Variants in TLK1 observed in about 807,000 individuals in gnomAD.
TLK1 encodes the protein serine/threonine-protein kinase tousled-like 1.
A neutral mutation model predicts 105.3 loss-of-function variants in TLK1; 24 were observed. The ratio of observed to expected loss-of-function variants is 0.23; its 90% CI spans 0.17 to 0.32. The LOEUF is 0.32. Among genes scored for constraint, TLK1 ranks in the 10% least tolerant of loss-of-function variants. The pLI, the probability that TLK1 is intolerant of heterozygous loss-of-function variation, is 1.00. For missense variants in TLK1, 558 were observed against 910.5 expected, an observed-to-expected ratio of 0.61 and a Z score of 4.98; for synonymous variants, 321 against 310.4, an observed-to-expected ratio of 1.03 and a Z score of -0.36.
chr2:171,173,980 C>T (rs562849592), intron 1 of TLK1, among the ~76,000 whole-genome samples: 4 of 152,282 alleles, frequency 2.6e-5, no homozygotes, highest in African/African-American at 9.6e-5. Context: ...CTTAAACAGC[C>T]TGTTGAATCC....
intron 1 of TLK1, among the ~76,000 whole-genome samples, chr2:171,180,923 A>C (rs978136010): frequency 2.0e-5 from 3 of 151,924 alleles, no homozygotes; most frequent in Non-Finnish European, 2.9e-5. Context: ...AATGTTAAAA[A>C]GTTCAGAGAC....
At chr2:171,022,088 C>CACACACACACAG (rs369935303) in intron 12 of TLK1, among the ~76,000 whole-genome samples, 8 of 139,276 alleles carry the variant, frequency 5.7e-5, no homozygotes, top group Non-Finnish European at 3.1e-5. Context: ...GGGCGAAAAA[C>CACACACACACAG]ACACACACAC....
chr2:171,070,743 G>C (rs1457701047), intron 3 of TLK1, among the ~76,000 whole-genome samples: 1 of 152,188 alleles, frequency 6.6e-6, no homozygotes, highest in African/African-American at 2.4e-5. Context: ...GGGAGTGCAG[G>C]TATCTCTTTG....
At chr2:171,130,870 G>A (rs1009882362) in intron 1 of TLK1, among the ~76,000 whole-genome samples, 1 of 152,018 alleles carries the variant, frequency 6.6e-6, no homozygotes, top group Non-Finnish European at 1.5e-5. Context: ...AGACTCCAGG[G>A]AATGCCAACT....
intron 2 of TLK1, among the ~76,000 whole-genome samples, chr2:171,098,619 C>T (rs1314777827): frequency 6.6e-6 from 1 of 152,164 alleles, no homozygotes; most frequent in African/African-American, 2.4e-5. Context: ...CTTACCAACT[C>T]ATTCTGGAAA....
intron 1 of TLK1, among the ~76,000 whole-genome samples, chr2:171,159,089 ACTAGCAAATATCGAC>A (rs1304605135): frequency 6.6e-6 from 1 of 152,244 alleles, no homozygotes; most frequent in Non-Finnish European, 1.5e-5. Flanking sequence ...CAAGGCTCTG[ACTAGCAAATATCGAC>A]AGATATTTTC....
intron 1 of TLK1, among the ~76,000 whole-genome samples, chr2:171,166,396 A>G (rs572411944): frequency 1.3e-5 from 2 of 152,346 alleles, no homozygotes; most frequent in African/African-American, 4.8e-5. Context: ...ACCTGCTCAT[A>G]AACATCTGGG....
Position 171,014,583 on chromosome 2 carries a change from G to T in TLK1, c.1334+268C>A, listed in dbSNP as rs117472809. Among the ~76,000 whole-genome samples, 8 of 152,150 alleles carry T rather than the reference G, an allele frequency of 5.3e-5. No individual in the cohort carries two copies. The East Asian group carries it at 1.5e-3, about 29-fold the overall frequency. On this transcript the variant is annotated intron_variant, in intron 13 of 20. Transcript: ENST00000431350. ...GTGAGATAAGTAATTAAGCCAATTA[G>T]GTGTTTAGAGGAGGAACATCCAGGC... is the stretch of plus-strand genomic sequence containing the variant.
At chr2:171,070,391 T>G (rs1298512395) in intron 3 of TLK1, among the ~76,000 whole-genome samples, 1 of 152,094 alleles carries the variant, frequency 6.6e-6, no homozygotes, top group Non-Finnish European at 1.5e-5. Context: ...TCTTTCTATT[T>G]TTGTACCCAT....
At chr2:171,137,278 T>C (rs1185391703) in intron 1 of TLK1, among the ~76,000 whole-genome samples, 1 of 151,620 alleles carries the variant, frequency 6.6e-6, no homozygotes, top group Admixed American at 6.6e-5. Flanking sequence ...TGAGACCCTG[T>C]TTCAAAAAAA....
At position 171,005,229 on chromosome 2, in the gene TLK1, T is replaced by C. The variant is rs1684589365; in HGVS notation, c.1904+918A>G. ...ATTTTATAGTTTATGTTCTCCACTT[T>C]GGTGAATTTAACAAGTTTGAAAATT... On this transcript the variant is annotated intron_variant, in intron 18 of 20. Transcript: ENST00000431350. 2.0e-5 allele frequency among the ~76,000 whole-genome samples: 3 copies of C among 152,272 alleles called. No homozygotes were observed. In the South Asian group the frequency reaches 6.2e-4, roughly 32 times the overall value.
chr2:171,107,566 T>C (rs535293375), intron 2 of TLK1, among the ~76,000 whole-genome samples: 1 of 152,298 alleles, frequency 6.6e-6, no homozygotes, highest in South Asian at 2.1e-4. Context: ...CCATTCTTCA[T>C]TAAAATGAAC....
In TLK1 at chr2:171,075,130, T is replaced by C. The variant is rs1229002886; in HGVS notation, c.330+7651A>G. On this transcript the variant is annotated intron_variant, in intron 3 of 20. Coordinates refer to ENST00000431350, the MANE Select transcript of TLK1 (RefSeq NM_012290.5). The stretch of plus-strand genomic sequence containing the variant: ...GGCCAGTATTACCTCTGTTTTCAAA[T>C]AGAATCATAGCTAAGCACTAGTGCT... 3.3e-5 allele frequency among the ~76,000 whole-genome samples: 5 copies of C among 151,866 alleles called. No individual in the cohort carries two copies. In the East Asian group the frequency reaches 7.7e-4, roughly 23 times the overall value.
intron 1 of TLK1, among the ~76,000 whole-genome samples, chr2:171,149,068 A>AT (rs1691918057): frequency 6.9e-6 from 1 of 145,606 alleles, no homozygotes; most frequent in Non-Finnish European, 1.5e-5. Flanking sequence ...TATTATGCAA[A>AT]TAGTCATTTT....
At chr2:171,098,328 A>G (rs1253139208) in intron 2 of TLK1, among the ~76,000 whole-genome samples, 2 of 152,200 alleles carry the variant, frequency 1.3e-5, no homozygotes, top group Non-Finnish European at 2.9e-5. Flanking sequence ...GTCACAATAT[A>G]TATGTATATC....
At chr2:171,129,232 AAT>A (rs1459295205) in intron 1 of TLK1, among the ~76,000 whole-genome samples, 1 of 152,184 alleles carries the variant, frequency 6.6e-6, no homozygotes, top group Non-Finnish European at 1.5e-5. Context: ...TCTTGAAATA[AAT>A]ACAAAAATAT....
chr2:171,032,950 G>A (rs1686114738), intron 11 of TLK1, among the ~76,000 whole-genome samples: 3 of 152,198 alleles, frequency 2.0e-5, no homozygotes, highest in East Asian at 3.8e-4. Context: ...GCTCATGCCT[G>A]TAATGCCAGC....
chr2:171,112,634 A>C (rs1450906308), intron 2 of TLK1, among the ~76,000 whole-genome samples: 1 of 152,206 alleles, frequency 6.6e-6, no homozygotes, highest in East Asian at 1.9e-4. Context: ...ATAAGAGATT[A>C]AACTATCATT....
chr2:171,101,558 G>C (rs1408966606), intron 2 of TLK1, among the ~76,000 whole-genome samples: 2 of 152,046 alleles, frequency 1.3e-5, no homozygotes, highest in African/African-American at 4.8e-5. Flanking sequence ...GTTCGACAGT[G>C]GTAATGGTTG....
Sources: gnomAD v4.1 joint callset for allele counts (sites outside exome capture counted in the v4.1 genomes callset) on GRCh38, gnomAD v4.1.1 for gene constraint, MANE v1.5 for transcripts, NCBI Gene and HGNC (gene_info 2026-07-23, HGNC 2026-07-21) for gene names.